Variants in R3HCC1L observed in about 807,000 individuals in gnomAD.
The protein encoded by R3HCC1L is coiled-coil domain-containing protein R3HCC1L.
Under a neutral mutation model 59.9 loss-of-function variants are expected in R3HCC1L, and 51 were observed. The ratio of observed to expected loss-of-function variants is 0.85; its 90% CI spans 0.68 to 1.07. R3HCC1L has a LOEUF of 1.07. Among genes scored for constraint, R3HCC1L ranks in the 50% least tolerant of loss-of-function variants. R3HCC1L has a pLI of 0.00. For synonymous variants in R3HCC1L, 322 were observed against 315.2 expected, an observed-to-expected ratio of 1.02 and a Z score of -0.23; for missense variants, 965 against 933.0, an observed-to-expected ratio of 1.03 and a Z score of -0.45.
chr10:98,217,787 A>G (rs1014027351), intron 5 of R3HCC1L, among the ~76,000 whole-genome samples: 3 of 151,672 alleles, frequency 2.0e-5, no homozygotes, highest in African/African-American at 7.3e-5. Context: ...TTTTTATTAT[A>G]AATGGGATTT....
chr10:98,162,357 T>C (rs1391165741), intron 2 of R3HCC1L, among the ~76,000 whole-genome samples: 1 of 152,226 alleles, frequency 6.6e-6, no homozygotes, highest in Admixed American at 6.5e-5. Flanking sequence ...CATAAAAGTT[T>C]CTGAAACATA....
chr10:98,138,740 C>T (rs1392270045), intron 1 of R3HCC1L, among the ~76,000 whole-genome samples: 5 of 152,020 alleles, frequency 3.3e-5, no homozygotes, highest in Non-Finnish European at 7.4e-5. Context: ...AGCATTGTGG[C>T]AATAACCTAT....
chr10:98,207,108 A>G (rs1185826852), intron 4 of R3HCC1L, among the ~76,000 whole-genome samples: 2 of 152,070 alleles, frequency 1.3e-5, no homozygotes, highest in East Asian at 3.8e-4. Context: ...CTGCCTTCTC[A>G]TTATCTCCTT....
chr10:98,136,945 G>T (rs1483869765), intron 1 of R3HCC1L, among the ~76,000 whole-genome samples: 3 of 152,246 alleles, frequency 2.0e-5, no homozygotes, highest in East Asian at 3.9e-4. Context: ...GCGCGGTGGC[G>T]CACGTCTGTA....
chr10:98,186,466 G>C lies in R3HCC1L; in HGVS notation c.-14-21635G>C, dbSNP rs573482679. On this transcript the variant is annotated intron_variant, in intron 4 of 9. Transcript: ENST00000298999. ...TCATATAATTTCCTTGTTTTTTCCA[G>C]ATGGTTTTACTCAGCATTTGGTGTG... 5.0e-5 allele frequency: 48 copies of C among 966,118 alleles called. No homozygotes were observed. In the African/African-American group the frequency reaches 8.4e-4, roughly 17 times the overall value. 59.8% of individuals were successfully genotyped at this position (966,118 alleles called of 1,614,324 possible).
intron 4 of R3HCC1L, among the ~76,000 whole-genome samples, chr10:98,203,720 T>A (rs192317991): frequency 2.6e-5 from 4 of 152,332 alleles, no homozygotes; most frequent in Admixed American, 2.0e-4. Context: ...CAATTTATTG[T>A]GTGCTTGTTC....
chr10:98,165,085 C>T (rs1847803307), intron 4 of R3HCC1L, among the ~76,000 whole-genome samples: 1 of 152,178 alleles, frequency 6.6e-6, no homozygotes, highest in Non-Finnish European at 1.5e-5. Flanking sequence ...CACAGGGAAA[C>T]CCTGTCTCTA....
In R3HCC1L at chr10:98,208,284, C is replaced by T. The variant is rs764870906; in HGVS notation, c.170C>T (p.Ser57Phe). 90 of 1,613,904 alleles carry T rather than the reference C, an allele frequency of 5.6e-5. No homozygotes were observed. Among genetic ancestry groups the T allele is most frequent in the Non-Finnish European group, 7.5e-5 (88 of 1,180,014 alleles). ...GAAAAGCAAAAAGAAAGTTCTCTCT[C>T]CCAAAAAGAAGTCTTTAAAGACAAA... ...VKEKQKESSL[S>F]QKEVFKDKPE... Residue 57 changes from serine to phenylalanine, a missense_variant, in exon 5 of 10, where the codon TCC becomes TTC. By Grantham distance (155) the Ser-to-Phe change is radical. Coordinates refer to ENST00000298999, the MANE Select transcript of R3HCC1L (RefSeq NM_001351015.2).
intron 5 of R3HCC1L, chr10:98,211,472 G>C (rs1169333461): frequency 8.1e-7 from 1 of 1,241,876 alleles, no homozygotes. Flanking sequence ...ATAATAATAA[G>C]GTGGGAAGCT....
intron 9 of R3HCC1L, among the ~76,000 whole-genome samples, chr10:98,241,761 T>G (rs1257403321): frequency 6.6e-6 from 1 of 152,222 alleles, no homozygotes; most frequent in Non-Finnish European, 1.5e-5. Flanking sequence ...GAAAGTGTGC[T>G]GGTGAAGAAT....
intron 1 of R3HCC1L, among the ~76,000 whole-genome samples, chr10:98,136,322 G>A (rs541041388): frequency 6.6e-6 from 1 of 152,252 alleles, no homozygotes; most frequent in Non-Finnish European, 1.5e-5. Flanking sequence ...GAGCAAATTT[G>A]AGTTCAAGTC....
At chr10:98,154,217 T>G (rs1047941234) in intron 1 of R3HCC1L, among the ~76,000 whole-genome samples, 1 of 134,906 alleles carries the variant, frequency 7.4e-6, no homozygotes, top group Non-Finnish European at 1.5e-5. Context: ...AGAAAGAGCA[T>G]AGTGAGTAAT....
intron 4 of R3HCC1L, among the ~76,000 whole-genome samples, chr10:98,201,746 A>G (rs1179984932): frequency 6.6e-6 from 1 of 152,212 alleles, no homozygotes; most frequent in Non-Finnish European, 1.5e-5. Context: ...TGTCAGAGAG[A>G]CAGCTTTCTT....
intron 4 of R3HCC1L, among the ~76,000 whole-genome samples, chr10:98,194,417 G>A (rs1308194201): frequency 6.6e-6 from 1 of 152,008 alleles, no homozygotes; most frequent in Non-Finnish European, 1.5e-5. Flanking sequence ...GACATCAAAA[G>A]CACAAGTAAC....
At position 98,189,772 on chromosome 10, in the gene R3HCC1L, A is replaced by C. The variant is rs188132542; in HGVS notation, c.-14-18329A>C. 2.6e-5 allele frequency among the ~76,000 whole-genome samples: 4 copies of C among 152,346 alleles called. No individual in the cohort carries two copies. The East Asian group carries it at 5.8e-4, about 22-fold the overall frequency. On this transcript the variant is annotated intron_variant, in intron 4 of 9. Coordinates refer to ENST00000298999, the MANE Select transcript of R3HCC1L (RefSeq NM_001351015.2). ...GCAGAATCAGTTGTGGTTCATTAGC[A>C]GATTTTATAGTTTTTAAAATATGAA...
chr10:98,176,804 GTTC>G (rs1849069789), intron 4 of R3HCC1L, among the ~76,000 whole-genome samples: 1 of 151,906 alleles, frequency 6.6e-6, no homozygotes, highest in Admixed American at 6.6e-5. Flanking sequence ...AGAGCATTTG[GTTC>G]TTCATCAAGT....
At chr10:98,138,431 CTT>C (rs1423420657) in intron 1 of R3HCC1L, among the ~76,000 whole-genome samples, 1 of 151,936 alleles carries the variant, frequency 6.6e-6, no homozygotes, top group Non-Finnish European at 1.5e-5. Flanking sequence ...GTAGCTCACT[CTT>C]GTACTTTCAG....
chr10:98,238,731 C>G (rs1413293189), intron 9 of R3HCC1L, among the ~76,000 whole-genome samples: 1 of 152,106 alleles, frequency 6.6e-6, no homozygotes, highest in Non-Finnish European at 1.5e-5. Context: ...CAGTTATTGA[C>G]ATTTTCTCCC....
Position 98,209,368 on chromosome 10 carries a change from G to T in R3HCC1L, c.1254G>T (p.Met418Ile). 1 of 1,613,998 alleles carries T rather than the reference G, an allele frequency of 6.2e-7. No individual in the cohort carries two copies. ...NTRSFSKFVG[M>I]SADATPLHVA... is the part of the protein sequence containing the mutation. Reference sequence around the variant, plus strand: ...GAAGTTTCTCAAAGTTTGTAGGAATGAGTGCAGATGCAACCCCTCTTCATG... The same window carrying T: ...GAAGTTTCTCAAAGTTTGTAGGAATTAGTGCAGATGCAACCCCTCTTCATG... Residue 418 changes from methionine to isoleucine, a missense_variant, in exon 5 of 10, where the codon ATG becomes ATT. By Grantham distance (10) the Met-to-Ile change is conservative. Coordinates refer to ENST00000298999, the MANE Select transcript of R3HCC1L (RefSeq NM_001351015.2).
Sources: gnomAD v4.1 joint callset for allele counts (sites outside exome capture counted in the v4.1 genomes callset) on GRCh38, gnomAD v4.1.1 for gene constraint, MANE v1.5 for transcripts, NCBI Gene and HGNC (gene_info 2026-07-23, HGNC 2026-07-21) for gene names.